Variants in WLS observed in about 807,000 individuals in gnomAD.
WLS encodes the protein Wnt ligand secretion mediator.
WLS carries 23 observed loss-of-function variants against 62.8 expected under a neutral mutation model. The observed-to-expected ratio is 0.37, with a 90% CI of 0.26 to 0.52. WLS has a LOEUF of 0.52. WLS is among the 20% of genes least tolerant of loss of function. The pLI is 0.92. For missense variants in WLS, 615 were observed against 697.3 expected, an observed-to-expected ratio of 0.88 and a Z score of 1.33; for synonymous variants, 246 against 244.1, an observed-to-expected ratio of 1.01 and a Z score of -0.07.
intron 11 of WLS, among the ~76,000 whole-genome samples, chr1:68,136,039 T>C (rs937208503): frequency 2.0e-5 from 3 of 152,164 alleles, no homozygotes; most frequent in African/African-American, 7.2e-5. Flanking sequence ...GTAACATGTC[T>C]ACTCCAAAGA....
At chr1:68,132,828 T>A (rs1198907665) in intron 11 of WLS, among the ~76,000 whole-genome samples, 1 of 152,210 alleles carries the variant, frequency 6.6e-6, no homozygotes, top group African/African-American at 2.4e-5. Context: ...CATAAGCAGC[T>A]CCAACTTCTT....
chr1:68,148,165 A>G lies in WLS; in HGVS notation c.1105T>C (p.Trp369Arg). ...VQLTNPFYSI[W>R]TTDIGTELAM... ...AGCTCTGTTCCAATGTCTGTAGTCC[A>G]GATACTGTAGAAGGGATTCGTGAGT... The change falls in exon 8 of 12, where the codon TGG becomes CGG. Residue 369 changes from tryptophan (W) to arginine (R), a missense_variant. Transcript: ENST00000262348. 3.1e-6 allele frequency: 5 copies of G among 1,614,212 alleles called. No homozygotes were observed. Among genetic ancestry groups the G allele is most frequent in the Non-Finnish European group, 3.4e-6 (4 of 1,180,038 alleles).
At chr1:68,153,876 C>A (rs1412812724) in intron 4 of WLS, among the ~76,000 whole-genome samples, 1 of 152,016 alleles carries the variant, frequency 6.6e-6, no homozygotes, top group Non-Finnish European at 1.5e-5. Context: ...GACCTGAGAC[C>A]AGAGAAATAA....
intron 2 of WLS, among the ~76,000 whole-genome samples, chr1:68,164,190 A>G (rs567615220): frequency 6.6e-6 from 1 of 152,354 alleles, no homozygotes; most frequent in Admixed American, 6.5e-5. Flanking sequence ...AGACAGTAAA[A>G]AGAAAAGCAA....
At chr1:68,231,816 G>A (rs1240988850) in intron 1 of WLS, 2 of 488,644 alleles carry the variant, frequency 4.1e-6, no homozygotes, top group Non-Finnish European at 7.8e-6. Context: ...GAGCTGATTG[G>A]AAGGGAACCG....
chr1:68,114,693 C>T lies in WLS; in HGVS notation c.1511-15940G>A, dbSNP rs139215337. On this transcript the variant is annotated intron_variant, in intron 11 of 11. Coordinates refer to the WLS transcript ENST00000354777. ...GTGACCACTGGTCCCCTTTATCCCT[C>T]GAGCCAGCCCCTGAAGGCTGAGAGA... Among the ~76,000 whole-genome samples the T allele has an allele frequency of 2.7e-3, 406 of 152,300 alleles. 5 individuals carry two copies. Among genetic ancestry groups the T allele is most frequent in the African/African-American group, 8.6e-3 (359 of 41,552 alleles).
chr1:68,136,209 AC>A (rs1287298443), intron 11 of WLS, among the ~76,000 whole-genome samples: 2 of 150,990 alleles, frequency 1.3e-5, no homozygotes, highest in Non-Finnish European at 2.9e-5. Flanking sequence ...TCAAGTAACT[AC>A]CCCCCTCCCT....
chr1:68,116,413 T>G (rs1156426667), intron 11 of WLS, among the ~76,000 whole-genome samples: 1 of 152,124 alleles, frequency 6.6e-6, no homozygotes. Flanking sequence ...CTATACAAAA[T>G]TTTGGGCAGG....
downstream of WLS, among the ~76,000 whole-genome samples, chr1:68,120,741 C>T (rs374184777): frequency 9.9e-5 from 15 of 151,986 alleles, no homozygotes; most frequent in East Asian, 1.2e-3. Flanking sequence ...TGTGCACACT[C>T]GTGATGGAGA....
chr1:68,133,199 A>G (rs933543598), intron 11 of WLS, among the ~76,000 whole-genome samples: 4 of 152,198 alleles, frequency 2.6e-5, no homozygotes, highest in East Asian at 3.8e-4. Flanking sequence ...GCATAAAATG[A>G]TTACACATAT....
intron 11 of WLS, among the ~76,000 whole-genome samples, chr1:68,132,163 T>C (rs573551057): frequency 6.6e-6 from 1 of 152,248 alleles, no homozygotes; most frequent in African/African-American, 2.4e-5. Flanking sequence ...AAAGGTCAGG[T>C]CACTGGCACA....
chr1:68,122,201 G>A (rs1322904371), downstream of WLS, among the ~76,000 whole-genome samples: 2 of 152,202 alleles, frequency 1.3e-5, no homozygotes, highest in Non-Finnish European at 2.9e-5. Context: ...AGACCAGGGT[G>A]TGGCCACTAC....
At chr1:68,202,831 C>T (rs1288233207) in intron 1 of WLS, 1 of 152,120 alleles carries the variant, frequency 6.6e-6, no homozygotes, top group Non-Finnish European at 1.5e-5. Context: ...TCTCAGAGCC[C>T]CCATGGAGGC....
intron 11 of WLS, among the ~76,000 whole-genome samples, chr1:68,108,875 A>G (rs1401467767): frequency 6.6e-6 from 1 of 152,170 alleles, no homozygotes; most frequent in Non-Finnish European, 1.5e-5. Context: ...AAAAATATAT[A>G]TATGAGGGAA....
chr1:68,193,634 G>T (rs1337395501), intron 2 of WLS, among the ~76,000 whole-genome samples: 3 of 151,984 alleles, frequency 2.0e-5, no homozygotes, highest in Non-Finnish European at 2.9e-5. Flanking sequence ...CACTAGAGAG[G>T]TGGTGAAGCT....
intron 2 of WLS, chr1:68,161,732 G>A (rs113883570): frequency 1.3e-6 from 2 of 1,512,992 alleles, no homozygotes; most frequent in South Asian, 2.3e-5. Context: ...GTATCTGAAT[G>A]ATTACCTTCC....
At chr1:68,099,335 T>G (rs139481438) in intron 11 of WLS, among the ~76,000 whole-genome samples, 9 of 152,340 alleles carry the variant, frequency 5.9e-5, no homozygotes, top group African/African-American at 2.2e-4. Flanking sequence ...AGAATAAAGC[T>G]GAAAGCTGAG....
intron 2 of WLS, among the ~76,000 whole-genome samples, chr1:68,180,208 C>T (rs982890723): frequency 6.6e-6 from 1 of 151,832 alleles, no homozygotes; most frequent in Admixed American, 6.6e-5. Flanking sequence ...AGGCTGCTCA[C>T]TACTGGTAGA....
chr1:68,122,543 G>T (rs1252059372), downstream of WLS, among the ~76,000 whole-genome samples: 6 of 148,456 alleles, frequency 4.0e-5, no homozygotes, highest in Admixed American at 4.1e-4. Flanking sequence ...TTTGTTTGTT[G>T]TAAGTATTGG....
Sources: gnomAD v4.1 joint callset for allele counts (sites outside exome capture counted in the v4.1 genomes callset) on GRCh38, gnomAD v4.1.1 for gene constraint, MANE v1.5 for transcripts, NCBI Gene and HGNC (gene_info 2026-07-23, HGNC 2026-07-21) for gene names.